Variants in MED13L observed in about 807,000 individuals in gnomAD.
The protein encoded by MED13L is mediator complex subunit 13L.
In MED13L, 7 loss-of-function variants were observed where a neutral mutation model predicts 220.9. That is an observed-to-expected ratio of 0.03 (90% CI 0.02 to 0.06). The LOEUF is 0.06. Among genes scored for constraint, MED13L ranks in the 10% least tolerant of loss-of-function variants. MED13L has a pLI of 1.00. For synonymous variants in MED13L, 1,011 were observed against 1,015.2 expected, an observed-to-expected ratio of 1.00 and a Z score of 0.08; for missense variants, 1,965 against 2,760.5, an observed-to-expected ratio of 0.71 and a Z score of 6.46.
intron 1 of MED13L, among the ~76,000 whole-genome samples, chr12:116,254,127 G>C (rs1276793589): frequency 1.3e-5 from 2 of 151,926 alleles, no homozygotes. Flanking sequence ...AAAATTCAAA[G>C]CTAATGTCAA....
At chr12:116,246,287 G>A (rs915731522) in intron 1 of MED13L, among the ~76,000 whole-genome samples, 1 of 150,772 alleles carries the variant, frequency 6.6e-6, no homozygotes, top group East Asian at 2.0e-4. Context: ...CAAGAAGTCT[G>A]AAGATTCAGG....
At chr12:116,159,066 A>C (rs1466405005) in intron 2 of MED13L, among the ~76,000 whole-genome samples, 1 of 152,162 alleles carries the variant, frequency 6.6e-6, no homozygotes, top group Non-Finnish European at 1.5e-5. Context: ...ACAAACAAAA[A>C]ATCACCACCA....
intron 4 of MED13L, among the ~76,000 whole-genome samples, chr12:116,061,737 G>C (rs1280852544): frequency 6.6e-6 from 1 of 152,124 alleles, no homozygotes; most frequent in Non-Finnish European, 1.5e-5. Context: ...GCCAGGCGTA[G>C]TGGCTCACGC....
At chr12:116,218,065 G>C (rs1327742447) in intron 2 of MED13L, among the ~76,000 whole-genome samples, 2 of 152,148 alleles carry the variant, frequency 1.3e-5, no homozygotes, top group Non-Finnish European at 2.9e-5. Context: ...CCAAGTATAA[G>C]AGATTCGATA....
At chr12:116,128,296 T>C (rs138393207) in intron 2 of MED13L, among the ~76,000 whole-genome samples, 2 of 152,240 alleles carry the variant, frequency 1.3e-5, no homozygotes, top group African/African-American at 2.4e-5. Context: ...CAACCTAATA[T>C]GATTCTAAGG....
intron 1 of MED13L, among the ~76,000 whole-genome samples, chr12:116,269,545 G>A (rs1475338258): frequency 6.6e-6 from 1 of 151,012 alleles, no homozygotes; most frequent in East Asian, 1.9e-4. Context: ...CAGTAATGGA[G>A]GCAGGGAGCA....
chr12:116,096,610 T>C, intron 4 of MED13L, 59 bp downstream of exon 4: 1 of 1,216,246 alleles, frequency 8.2e-7, no homozygotes, highest in East Asian at 2.3e-5. Flanking sequence ...ATCAATAAGC[T>C]GTTCACCCAC....
chr12:115,959,011 AAAAAT>A lies in MED13L; in HGVS notation c.*2250_*2254del, dbSNP rs1565978890. 3.3e-5 allele frequency: 5 copies of A among 152,606 alleles called. No individual in the cohort carries two copies. Among genetic ancestry groups the A allele is most frequent in the African/African-American group, 9.7e-5 (4 of 41,450 alleles). The allele number at this position is 152,606 out of a possible 1,614,324, so 9.5% of individuals were successfully genotyped here. On this transcript the variant is annotated 3_prime_UTR_variant, in exon 31 of 31. Transcript: ENST00000281928. Reference sequence around the variant, plus strand: ...AGAATTTCCAAAATTAAAAATAAAAAAAAATAAAATAACTTCTCACTCTGTAGCAA... The same window carrying A: ...AGAATTTCCAAAATTAAAAATAAAAAAAAATAACTTCTCACTCTGTAGCAA...
At chr12:116,213,006 A>G (rs1882790519) in intron 2 of MED13L, among the ~76,000 whole-genome samples, 1 of 152,172 alleles carries the variant, frequency 6.6e-6, no homozygotes, top group Admixed American at 6.6e-5. Context: ...AAAAACTACT[A>G]CTGTCAATTA....
At chr12:116,121,446 C>A (rs909832813) in intron 2 of MED13L, among the ~76,000 whole-genome samples, 1 of 151,918 alleles carries the variant, frequency 6.6e-6, no homozygotes, top group Non-Finnish European at 1.5e-5. Context: ...TGTTTTCCAG[C>A]AGAGATCTTG....
chr12:116,171,836 A>T (rs1238130199), intron 2 of MED13L, among the ~76,000 whole-genome samples: 1 of 152,154 alleles, frequency 6.6e-6, no homozygotes, highest in Non-Finnish European at 1.5e-5. Flanking sequence ...CAATTTTTTT[A>T]AAAACCTCAA....
intron 14 of MED13L, among the ~76,000 whole-genome samples, chr12:115,999,334 T>C (rs1878599907): frequency 6.6e-6 from 1 of 151,718 alleles, no homozygotes; most frequent in Admixed American, 6.6e-5. Flanking sequence ...GAGATTGCAG[T>C]GAGCCGAGAT....
intron 2 of MED13L, among the ~76,000 whole-genome samples, chr12:116,171,177 A>G (rs1879658350): frequency 6.6e-6 from 1 of 152,212 alleles, no homozygotes; most frequent in Admixed American, 6.5e-5. Flanking sequence ...TACTCCCTTG[A>G]TGGTTGCAGA....
At chr12:115,999,673 G>T (rs1878624846) in intron 14 of MED13L, among the ~76,000 whole-genome samples, 1 of 148,734 alleles carries the variant, frequency 6.7e-6, no homozygotes, top group African/African-American at 2.5e-5. Context: ...TATGACACAA[G>T]ATTTTGCAAA....
intron 7 of MED13L, among the ~76,000 whole-genome samples, chr12:116,017,282 G>T (rs1172919889): frequency 1.3e-5 from 2 of 152,190 alleles, no homozygotes; most frequent in Non-Finnish European, 2.9e-5. Context: ...ACTATTAAGA[G>T]TTCTGAACTG....
rs1269494815 is a variant in MED13L at position 115,960,191 on chromosome 12, CCATA to C, written c.*1071_*1074del. The C allele has an allele frequency of 6.6e-6, 1 of 152,582 alleles. No homozygotes were observed. Among genetic ancestry groups the C allele is most frequent in the African/African-American group, 2.4e-5 (1 of 41,416 alleles). The allele number at this position is 152,582 out of a possible 1,614,324, so 9.5% of individuals were successfully genotyped here. ...ATTCCTATGGTCCAGAAAAAATTCACCATATTTATAACTGATTTCATGAGCAAAC... is the reference window on the plus strand; with the variant it reads ...ATTCCTATGGTCCAGAAAAAATTCACTTTATAACTGATTTCATGAGCAAAC... On this transcript the variant is annotated 3_prime_UTR_variant, in exon 31 of 31. Transcript: ENST00000281928.
chr12:116,128,443 A>AG (rs1350399607), intron 2 of MED13L, among the ~76,000 whole-genome samples: 28 of 146,186 alleles, frequency 1.9e-4, no homozygotes, highest in Admixed American at 1.8e-3. Flanking sequence ...GGTATTCTTG[A>AG]GGAAAAAAAA....
intron 2 of MED13L, among the ~76,000 whole-genome samples, chr12:116,222,581 T>C (rs1323202617): frequency 6.6e-6 from 1 of 152,188 alleles, no homozygotes; most frequent in Non-Finnish European, 1.5e-5. Context: ...CAAGTACTCT[T>C]TGAGCATCTT....
At chr12:116,133,972 G>A (rs1453524955) in intron 2 of MED13L, among the ~76,000 whole-genome samples, 5 of 152,168 alleles carry the variant, frequency 3.3e-5, no homozygotes, top group East Asian at 1.9e-4. Flanking sequence ...CCCCCAGCCT[G>A]ACAGAAAGAC....
Sources: allele counts gnomAD v4.1 joint callset (sites outside exome capture counted in the v4.1 genomes callset), GRCh38; gene constraint gnomAD v4.1.1; transcripts MANE v1.5; gene names NCBI Gene and HGNC (gene_info 2026-07-23, HGNC 2026-07-21).